The following SSBP2 variants were observed in gnomAD, a reference collection of about 807,000 sequenced individuals.
The protein encoded by SSBP2 is single stranded DNA binding protein 2.
SSBP2 carries 17 observed loss-of-function variants against 61.8 expected under a neutral mutation model. The observed-to-expected ratio is 0.28, with a 90% CI of 0.19 to 0.41. The LOEUF is 0.41. Among genes scored for constraint, SSBP2 ranks in the 10% least tolerant of loss-of-function variants. The pLI is 1.00. For synonymous variants in SSBP2, 139 were observed against 141.3 expected (o/e 0.98, Z 0.12); for missense variants, 310 against 458.7 (o/e 0.68, Z 2.96).
chr5:81,473,331 C>A (rs191296273), intron 8 of SSBP2, among the ~76,000 whole-genome samples: 2 of 152,068 alleles, frequency 1.3e-5, no homozygotes, highest in Non-Finnish European at 2.9e-5. Context: ...TGGTAGTTTG[C>A]GGCACCTATT....
In SSBP2 at chr5:81,562,071, A is replaced by AT. The variant is rs879339518; in HGVS notation, c.283-48355dup. 6.0e-3 allele frequency among the ~76,000 whole-genome samples: 860 copies of AT among 143,640 alleles called. 10 individuals are homozygous for AT. The highest frequency in any genetic ancestry group is 0.011 in the African/African-American group (443 of 39,434). 94.2% of individuals were successfully genotyped at this position (143,640 alleles called of 152,430 possible). On this transcript the variant is annotated intron_variant, in intron 4 of 16. Transcript: ENST00000320672. ...AGGCACAAGCCACCACACTTGGCTA[A>AT]TTTTTTTTTTTTTTAGTAGAGATGG...
chr5:81,439,762 C>A (rs961155965), intron 14 of SSBP2, among the ~76,000 whole-genome samples: 3 of 151,142 alleles, frequency 2.0e-5, no homozygotes, highest in Non-Finnish European at 4.4e-5. Context: ...AGCTCCGCCT[C>A]CCGGGTTCAA....
chr5:81,501,842 C>T (rs1009209203), intron 5 of SSBP2, among the ~76,000 whole-genome samples: 1 of 151,892 alleles, frequency 6.6e-6, no homozygotes, highest in Non-Finnish European at 1.5e-5. Flanking sequence ...AGATTACAGA[C>T]GTGAGCCACT....
At chr5:81,459,058 T>C (rs1580737638) in intron 10 of SSBP2, among the ~76,000 whole-genome samples, 1 of 152,200 alleles carries the variant, frequency 6.6e-6, no homozygotes, top group Admixed American at 6.5e-5. Context: ...CTTGCCTACA[T>C]GTGTGCTAGT....
chr5:81,504,647 C>T (rs547862423), intron 5 of SSBP2, among the ~76,000 whole-genome samples: 193 of 152,272 alleles, frequency 1.3e-3, no homozygotes, highest in Middle Eastern at 6.8e-3. Context: ...TGCAATGCTG[C>T]CTAGTTTTCT....
At chr5:81,749,807 C>T (rs1001569125) in intron 1 of SSBP2, among the ~76,000 whole-genome samples, 6 of 152,246 alleles carry the variant, frequency 3.9e-5, no homozygotes, top group African/African-American at 1.4e-4. Flanking sequence ...ACAGTGGCAT[C>T]CCGGGCCGGG....
intron 4 of SSBP2, among the ~76,000 whole-genome samples, chr5:81,606,838 C>T (rs1413151283): frequency 1.3e-5 from 2 of 152,126 alleles, no homozygotes; most frequent in African/African-American, 4.8e-5. Flanking sequence ...AAAGATAAGG[C>T]TATATAGGTA....
chr5:81,733,888 A>G (rs1302718552), intron 1 of SSBP2, among the ~76,000 whole-genome samples: 1 of 152,220 alleles, frequency 6.6e-6, no homozygotes. Flanking sequence ...CATGCATTTA[A>G]AGATACAAAA....
At chr5:81,486,905 G>T (rs1766427553) in intron 6 of SSBP2, among the ~76,000 whole-genome samples, 1 of 152,224 alleles carries the variant, frequency 6.6e-6, no homozygotes, top group Non-Finnish European at 1.5e-5. Flanking sequence ...TCCCCTGGGG[G>T]TGAATCTGAG....
chr5:81,490,384 A>G (rs1425909554), intron 5 of SSBP2, among the ~76,000 whole-genome samples: 1 of 152,110 alleles, frequency 6.6e-6, no homozygotes, highest in African/African-American at 2.4e-5. Flanking sequence ...CAGAAAAATT[A>G]TAATTTTGTT....
intron 1 of SSBP2, among the ~76,000 whole-genome samples, chr5:81,651,252 T>G (rs1412499572): frequency 6.6e-6 from 1 of 152,168 alleles, no homozygotes; most frequent in Non-Finnish European, 1.5e-5. Context: ...AACAATACAA[T>G]GTAACAATAA....
chr5:81,607,688 C>T (rs987698084), intron 4 of SSBP2, among the ~76,000 whole-genome samples: 3 of 152,090 alleles, frequency 2.0e-5, no homozygotes, highest in African/African-American at 7.2e-5. Context: ...ATCCAGTTGT[C>T]CCCCTTATAC....
intron 4 of SSBP2, among the ~76,000 whole-genome samples, chr5:81,560,680 T>G (rs556244002): frequency 2.6e-5 from 4 of 152,352 alleles, no homozygotes; most frequent in Admixed American, 6.5e-5. Flanking sequence ...AGATTAATTT[T>G]GAAACTATGT....
chr5:81,697,410 T>A (rs1753674887), intron 1 of SSBP2, among the ~76,000 whole-genome samples: 1 of 152,242 alleles, frequency 6.6e-6, no homozygotes, highest in Admixed American at 6.5e-5. Context: ...AACAGACATA[T>A]TCTTAAGTAT....
intron 15 of SSBP2, among the ~76,000 whole-genome samples, chr5:81,429,578 A>T (rs916974441): frequency 6.6e-6 from 1 of 152,228 alleles, no homozygotes; most frequent in Non-Finnish European, 1.5e-5. Flanking sequence ...TTGTAAAAAA[A>T]AACTTCAGAG....
intron 4 of SSBP2, among the ~76,000 whole-genome samples, chr5:81,582,125 A>C (rs1377562060): frequency 1.3e-5 from 2 of 152,138 alleles, no homozygotes; most frequent in Non-Finnish European, 2.9e-5. Context: ...TGTTTTGTCT[A>C]AGAAAAGCCA....
chr5:81,451,053 A>G (rs535488215), intron 10 of SSBP2, among the ~76,000 whole-genome samples: 67 of 152,252 alleles, frequency 4.4e-4, no homozygotes, highest in Non-Finnish European at 7.2e-4. Context: ...TTCATGGGGG[A>G]AAAAAAGCCC....
chr5:81,640,140 A>G (rs894816603), intron 2 of SSBP2, among the ~76,000 whole-genome samples: 1 of 152,168 alleles, frequency 6.6e-6, no homozygotes, highest in Admixed American at 6.5e-5. Context: ...ACCTGAGGTC[A>G]GGAGTTTAAG....
intron 6 of SSBP2, among the ~76,000 whole-genome samples, chr5:81,486,227 GTC>G (rs1252257675): frequency 6.6e-6 from 1 of 152,052 alleles, no homozygotes; most frequent in Non-Finnish European, 1.5e-5. Context: ...CTTTTTAATT[GTC>G]TCTTTTGAAA....
Sources: allele counts gnomAD v4.1 joint callset (sites outside exome capture counted in the v4.1 genomes callset), GRCh38; gene constraint gnomAD v4.1.1; transcripts MANE v1.5; gene names NCBI Gene and HGNC (gene_info 2026-07-23, HGNC 2026-07-21).